Variants in TNFRSF11A observed in about 807,000 individuals in gnomAD.
TNFRSF11A encodes tumor necrosis factor receptor superfamily member 11A.
Under a neutral mutation model 55.7 loss-of-function variants are expected in TNFRSF11A, and 32 were observed. That is an observed-to-expected ratio of 0.57 (90% CI 0.43 to 0.77). The LOEUF (loss-of-function observed/expected upper bound fraction) is 0.77, where lower values mean the gene tolerates loss of function less well. TNFRSF11A is among the 30% of genes least tolerant of loss of function. The pLI is 0.00. For missense variants in TNFRSF11A, 753 were observed against 809.8 expected (o/e 0.93, Z 0.85); for synonymous variants, 311 against 331.0 (o/e 0.94, Z 0.65).
chr18:62,329,143 C>T (rs1162704506), intron 1 of TNFRSF11A, among the ~76,000 whole-genome samples: 2 of 152,098 alleles, frequency 1.3e-5, no homozygotes, highest in African/African-American at 4.8e-5. Flanking sequence ...TAGTGTTTTT[C>T]CCACATGCTG....
At chr18:62,367,788 C>CT (rs67721371) in intron 8 of TNFRSF11A, among the ~76,000 whole-genome samples, 22,569 of 78,874 alleles carry the variant, frequency 0.29, 4,341 homozygotes, top group East Asian at 0.49. Flanking sequence ...TCTTCTTCTT[C>CT]TTTTTTTTTT....
intron 1 of TNFRSF11A, among the ~76,000 whole-genome samples, chr18:62,326,892 A>G (rs1459272569): frequency 6.6e-6 from 1 of 152,190 alleles, no homozygotes; most frequent in Non-Finnish European, 1.5e-5. Flanking sequence ...TTGATATAAG[A>G]CAGACTAACA....
chr18:62,345,261 G>T (rs1301522479), intron 1 of TNFRSF11A, among the ~76,000 whole-genome samples: 1 of 152,148 alleles, frequency 6.6e-6, no homozygotes, highest in African/African-American at 2.4e-5. Context: ...GAAAGGAAGA[G>T]GAAAAGGGGC....
chr18:62,342,104 A>C (rs949171873), intron 1 of TNFRSF11A, among the ~76,000 whole-genome samples: 22 of 151,390 alleles, frequency 1.5e-4, no homozygotes, highest in Non-Finnish European at 2.4e-4. Context: ...TGCTTTGCTA[A>C]AATTCCCATG....
chr18:62,380,717 T>A (rs1600425475), intron 9 of TNFRSF11A, among the ~76,000 whole-genome samples: 1 of 152,084 alleles, frequency 6.6e-6, no homozygotes, highest in African/African-American at 2.4e-5. Flanking sequence ...ATTACAGGCG[T>A]GAGCCACTGC....
rs1909710725 is a variant in TNFRSF11A at position 62,361,803 on chromosome 18, C to T, written c.730+10C>T. The T allele has an allele frequency of 1.9e-6, 3 of 1,610,682 alleles. No individual in the cohort carries two copies. The highest frequency in any genetic ancestry group is 2.5e-6 in the Non-Finnish European group (3 of 1,176,876). ...GGGAAAGCACTCACAGGTATTGTGT[C>T]TATGGTGGTTTTTGCAAACCAATCT... On this transcript the variant is annotated intron_variant, in intron 7 of 9. Transcript: ENST00000586569.
chr18:62,381,575 A>G (rs1310319628), intron 9 of TNFRSF11A, among the ~76,000 whole-genome samples: 2 of 152,222 alleles, frequency 1.3e-5, no homozygotes, highest in African/African-American at 4.8e-5. Flanking sequence ...CAACAGAACC[A>G]GCAGGCGATG....
Position 62,389,518 on chromosome 18 carries a change from C to T in TNFRSF11A, c.*4484C>T, listed in dbSNP as rs1911914196. On this transcript the variant is annotated 3_prime_UTR_variant, in exon 10 of 10. Coordinates refer to ENST00000586569, the MANE Select transcript of TNFRSF11A (RefSeq NM_003839.4). ...CCAAGGTTTCAACAAAGAGGAGGAC[C>T]GAATAAATGTCCCAGTGGGCAGGCA... 2.0e-5 allele frequency: 3 copies of T among 152,224 alleles called. No individual in the cohort carries two copies. The highest frequency in any genetic ancestry group is 2.9e-5 in the Non-Finnish European group (2 of 68,100). The allele number at this position is 152,224 out of a possible 1,614,324, so 9.4% of individuals were successfully genotyped here.
At position 62,383,061 on chromosome 18, in the gene TNFRSF11A, G is replaced by C. The variant is rs1345001734; in HGVS notation, c.1568-1690G>C. Among the ~76,000 whole-genome samples the C allele has an allele frequency of 1.3e-5, 2 of 152,184 alleles. No homozygotes were observed. Among genetic ancestry groups the C allele is most frequent in the Admixed American group, 6.5e-5 (1 of 15,290 alleles). ...ATGCCTGGCAATGTGTGGAGAGGGG[G>C]TGGAGAAGGTGCTGGGTAGGTGGTA... On this transcript the variant is annotated intron_variant, in intron 9 of 9. Transcript: ENST00000586569. The surrounding 1 kb of genome is among the most constrained non-coding windows in gnomAD (Gnocchi z 4.2).
intron 1 of TNFRSF11A, among the ~76,000 whole-genome samples, chr18:62,329,737 G>C (rs2046123842): frequency 6.6e-6 from 1 of 152,170 alleles, no homozygotes; most frequent in South Asian, 2.1e-4. Context: ...CTGATTCTGA[G>C]AGACACTCTA....
At chr18:62,351,800 GTTGT>G (rs1022521206) in intron 3 of TNFRSF11A, among the ~76,000 whole-genome samples, 3 of 152,132 alleles carry the variant, frequency 2.0e-5, no homozygotes, top group East Asian at 1.9e-4. Flanking sequence ...TATTGTTGCT[GTTGT>G]TTGTTTGTTT....
chr18:62,364,203 A>G (rs1909904235), intron 7 of TNFRSF11A, among the ~76,000 whole-genome samples: 2 of 152,184 alleles, frequency 1.3e-5, no homozygotes, highest in African/African-American at 4.8e-5. Flanking sequence ...TTCACTAGAC[A>G]AGGGGCATCA....
intron 7 of TNFRSF11A, among the ~76,000 whole-genome samples, chr18:62,363,080 G>T (rs8099709): frequency 0.072 from 10,903 of 152,144 alleles, 786 homozygotes; most frequent in East Asian, 0.42. Context: ...CTGGCCTCAG[G>T]TGATCCACTG....
chr18:62,347,353 T>G lies in TNFRSF11A; in HGVS notation c.76-815T>G, dbSNP rs548716766. ...GAATGCTGATCAGGAAAAGAACTTT[T>G]CTGTGGCAAACTGATAAGAATCTCT... On this transcript the variant is annotated intron_variant, in intron 1 of 9. Coordinates refer to ENST00000586569, the MANE Select transcript of TNFRSF11A (RefSeq NM_003839.4). Among the ~76,000 whole-genome samples the G allele has an allele frequency of 2.4e-4, 36 of 152,344 alleles. 1 individual carries two copies. In the South Asian group the frequency reaches 7.1e-3, roughly 30 times the overall value.
intron 7 of TNFRSF11A, among the ~76,000 whole-genome samples, chr18:62,362,661 G>T (rs774515941): frequency 6.6e-6 from 1 of 152,020 alleles, no homozygotes; most frequent in African/African-American, 2.4e-5. Flanking sequence ...TGTTTAACTT[G>T]TAGACTACAA....
At chr18:62,373,076 G>A (rs1197293100) in intron 9 of TNFRSF11A, 1 of 152,174 alleles carries the variant, frequency 6.6e-6, no homozygotes, top group African/African-American at 2.4e-5. Context: ...GCGGCCTGTT[G>A]TTTGTAATGA....
At chr18:62,340,543 T>C (rs2046297387) in intron 1 of TNFRSF11A, among the ~76,000 whole-genome samples, 2 of 152,106 alleles carry the variant, frequency 1.3e-5, no homozygotes, top group African/African-American at 2.4e-5. Flanking sequence ...TTATAGTTTC[T>C]TCATGATCTT....
rs746292675 is a variant in TNFRSF11A at position 62,348,204 on chromosome 18, AAGCATTATG to A, written c.118_126del (p.Tyr40_His42del). 6.2e-7 allele frequency: 1 copy of A among 1,614,192 alleles called. No homozygotes were observed. The highest frequency in any genetic ancestry group is 1.1e-5 in the South Asian group (1 of 91,088). ...GATCGCTCCTCCATGTACCAGTGAG[AAGCATTATG>A]AGCATCTGGGACGGTGCTGTAACAA... On this transcript the variant is annotated inframe_deletion, in exon 2 of 10. Coordinates refer to ENST00000586569, the MANE Select transcript of TNFRSF11A (RefSeq NM_003839.4).
At position 62,369,333 on chromosome 18, in the gene TNFRSF11A, C is replaced by T. The variant is rs771249524; in HGVS notation, c.1416C>T (p.Cys472=). 8.1e-5 allele frequency: 130 copies of T among 1,609,286 alleles called. No homozygotes were observed. The highest frequency in any genetic ancestry group is 3.6e-4 in the South Asian group (33 of 90,782). The change falls in exon 9 of 10, where the codon TGC becomes TGT. Residue 472 remains cysteine, a synonymous_variant. Transcript: ENST00000586569. ...CAAAACGTGGACCCTTGCCCCAGTGCGCCTATGGCATGGGCCTTCCCCCTG... is the reference window on the plus strand; with the variant it reads ...CAAAACGTGGACCCTTGCCCCAGTGTGCCTATGGCATGGGCCTTCCCCCTG... The part of the protein sequence containing the change: ...GSPKRGPLPQ[C]AYGMGLPPEE...
Sources: gnomAD v4.1 joint callset for allele counts (sites outside exome capture counted in the v4.1 genomes callset) on GRCh38, gnomAD v4.1.1 for gene constraint, Gnocchi (gnomAD v3.1) non-coding constraint, MANE v1.5 for transcripts, NCBI Gene and HGNC (gene_info 2026-07-23, HGNC 2026-07-21) for gene names.